Variants in PRKG1 observed in about 807,000 individuals in gnomAD.
PRKG1 encodes the protein protein kinase cGMP-dependent 1.
A neutral mutation model predicts 88.1 loss-of-function variants in PRKG1; 35 were observed. That is an observed-to-expected ratio of 0.40 (90% confidence interval 0.30 to 0.53). The LOEUF is 0.53. Among genes scored for constraint, PRKG1 ranks in the 20% least tolerant of loss-of-function variants. PRKG1 has a pLI of 0.59. For missense variants in PRKG1, 540 were observed against 839.8 expected (o/e 0.64, Z 4.41); for synonymous variants, 303 against 292.5 (o/e 1.04, Z -0.37).
intron 2 of PRKG1, among the ~76,000 whole-genome samples, chr10:51,157,361 G>A (rs867734488): frequency 4.6e-5 from 7 of 151,782 alleles, no homozygotes; most frequent in Admixed American, 2.0e-4. Flanking sequence ...CTTAAAGCTC[G>A]TTTTATGTTT....
intron 3 of PRKG1, among the ~76,000 whole-genome samples, chr10:51,665,280 G>C (rs1468518502): frequency 6.6e-6 from 1 of 152,122 alleles, no homozygotes; most frequent in Non-Finnish European, 1.5e-5. Flanking sequence ...ATTAAAATAA[G>C]AGGGTACCTA....
intron 10 of PRKG1, among the ~76,000 whole-genome samples, chr10:52,266,468 C>T (rs1841572939): frequency 6.6e-6 from 1 of 151,874 alleles, no homozygotes; most frequent in Non-Finnish European, 1.5e-5. Context: ...AGAACATGCG[C>T]TGTTTGGTTT....
At chr10:51,437,675 A>T (rs1005084639) in intron 2 of PRKG1, among the ~76,000 whole-genome samples, 1 of 151,898 alleles carries the variant, frequency 6.6e-6, no homozygotes, top group Non-Finnish European at 1.5e-5. Context: ...TATGGTAAGT[A>T]AATGAATAAA....
At chr10:51,747,356 G>A (rs1482807060) in intron 3 of PRKG1, among the ~76,000 whole-genome samples, 1 of 152,154 alleles carries the variant, frequency 6.6e-6, no homozygotes, top group East Asian at 1.9e-4. Context: ...GCCTATTGAA[G>A]AAGCCACTCA....
At chr10:51,048,916 G>A (rs1564581282) in intron 1 of PRKG1, among the ~76,000 whole-genome samples, 3 of 151,698 alleles carry the variant, frequency 2.0e-5, no homozygotes, top group South Asian at 2.1e-4. Flanking sequence ...AGTCAATAAC[G>A]CTAAGCTTGG....
At chr10:51,862,128 C>T (rs577487944) in intron 4 of PRKG1, among the ~76,000 whole-genome samples, 1 of 152,260 alleles carries the variant, frequency 6.6e-6, no homozygotes, top group East Asian at 1.9e-4. Flanking sequence ...TTCCTGCTGC[C>T]CACAGTGTGG....
In PRKG1 at chr10:51,414,910, TA is replaced by T. The variant is rs534276673; in HGVS notation, c.479-52810del. Among the ~76,000 whole-genome samples the T allele has an allele frequency of 1.7e-3, 258 of 152,374 alleles. 1 individual carries two copies. The highest frequency in any genetic ancestry group is 5.7e-3 in the African/African-American group (239 of 41,596). ...AAGTAGTTTAATTATTCAAACAATG[TA>T]AAGATTTAATTAGCATCCTGAATTA... is the stretch of plus-strand genomic sequence containing the variant. On this transcript the variant is annotated intron_variant, in intron 2 of 17. Transcript: ENST00000373980.
intron 4 of PRKG1, among the ~76,000 whole-genome samples, chr10:51,839,528 T>C (rs1277509985): frequency 1.3e-5 from 2 of 152,196 alleles, no homozygotes; most frequent in South Asian, 2.1e-4. Context: ...ATTTTGCATA[T>C]GGGTAATATT....
chr10:51,006,628 A>G (rs1842943121), intron 1 of PRKG1, among the ~76,000 whole-genome samples: 1 of 152,184 alleles, frequency 6.6e-6, no homozygotes, highest in Non-Finnish European at 1.5e-5. Flanking sequence ...GTACTCTGAC[A>G]TAGGTCATAT....
At chr10:51,742,021 C>G (rs763324128) in intron 3 of PRKG1, among the ~76,000 whole-genome samples, 1 of 152,170 alleles carries the variant, frequency 6.6e-6, no homozygotes, top group Non-Finnish European at 1.5e-5. Context: ...TAGAAGTTTT[C>G]GCTTCTGTCT....
chr10:51,687,123 A>T (rs1456460653), intron 3 of PRKG1, among the ~76,000 whole-genome samples: 1 of 152,034 alleles, frequency 6.6e-6, no homozygotes, highest in Non-Finnish European at 1.5e-5. Context: ...TTTTGAGTTC[A>T]CTCATTTAAG....
At chr10:51,811,548 A>G (rs1172122959) in intron 4 of PRKG1, among the ~76,000 whole-genome samples, 1 of 152,184 alleles carries the variant, frequency 6.6e-6, no homozygotes, top group Non-Finnish European at 1.5e-5. Context: ...TGATGAGAGA[A>G]CTGGGCCTAG....
intron 9 of PRKG1, among the ~76,000 whole-genome samples, chr10:52,166,311 ACCAAGGATCATCTT>A (rs1838432590): frequency 8.7e-6 from 1 of 114,986 alleles, no homozygotes; most frequent in South Asian, 2.4e-4. Flanking sequence ...CATTTCCAAT[ACCAAGGATCATCTT>A]ACAGTTCAGT....
At chr10:51,886,609 A>G (rs2132893819) in intron 4 of PRKG1, among the ~76,000 whole-genome samples, 2 of 152,312 alleles carry the variant, frequency 1.3e-5, no homozygotes, top group South Asian at 4.1e-4. Context: ...GGGTGACTAG[A>G]TGACTCATAT....
chr10:51,209,873 G>A lies in PRKG1; in HGVS notation c.478+56543G>A, dbSNP rs78358491. Among the ~76,000 whole-genome samples the A allele has an allele frequency of 9.9e-3, 1,501 of 152,144 alleles. 32 individuals are homozygous for A. The highest frequency in any genetic ancestry group is 0.084 in the East Asian group (432 of 5,166). On this transcript the variant is annotated intron_variant, in intron 2 of 17. Coordinates refer to ENST00000373980, the MANE Select transcript of PRKG1 (RefSeq NM_006258.4). ...GGCACAATTTTCATTAAACTTGAAG[G>A]CAATTGAAGTGGTTTTTCATACCTA... is the stretch of plus-strand genomic sequence containing the variant.
chr10:51,386,426 G>T (rs1025252753), intron 2 of PRKG1, among the ~76,000 whole-genome samples: 3 of 152,126 alleles, frequency 2.0e-5, no homozygotes, highest in Non-Finnish European at 1.5e-5. Context: ...AAAGGCCTGA[G>T]AAGTAGGAGA....
intron 2 of PRKG1, among the ~76,000 whole-genome samples, chr10:51,442,011 T>C (rs1445400299): frequency 6.6e-6 from 1 of 151,946 alleles, no homozygotes; most frequent in Non-Finnish European, 1.5e-5. Context: ...CAAGTTTAAG[T>C]TATCCGGAGT....
At chr10:51,762,213 C>A (rs1838038282) in intron 3 of PRKG1, among the ~76,000 whole-genome samples, 1 of 152,124 alleles carries the variant, frequency 6.6e-6, no homozygotes, top group Admixed American at 6.5e-5. Flanking sequence ...TAATGTGAAT[C>A]TCCTAGTTTC....
At chr10:52,079,092 C>T (rs970969959) in intron 7 of PRKG1, among the ~76,000 whole-genome samples, 3 of 152,210 alleles carry the variant, frequency 2.0e-5, no homozygotes, top group African/African-American at 7.2e-5. Flanking sequence ...TACCTGGTCA[C>T]CCAGGCTTGA....
Sources: allele counts gnomAD v4.1 joint callset (sites outside exome capture counted in the v4.1 genomes callset), GRCh38; gene constraint gnomAD v4.1.1; transcripts MANE v1.5; gene names NCBI Gene and HGNC (gene_info 2026-07-23, HGNC 2026-07-21).